Variants in NLGN1 observed in about 807,000 individuals in gnomAD.
The protein encoded by NLGN1 is neuroligin-1.
Under a neutral mutation model 65.5 loss-of-function variants are expected in NLGN1, and 12 were observed. That is an observed-to-expected ratio of 0.18 (90% CI 0.12 to 0.30). NLGN1 has a LOEUF of 0.30. Among genes scored for constraint, NLGN1 ranks in the 10% least tolerant of loss-of-function variants. The pLI is 1.00. For synonymous variants in NLGN1, 350 were observed against 359.5 expected (o/e 0.97, Z 0.30); for missense variants, 750 against 1,007.1 (o/e 0.74, Z 3.46).
chr3:174,152,572 CCAA>C (rs1724580622), intron 4 of NLGN1, among the ~76,000 whole-genome samples: 1 of 151,806 alleles, frequency 6.6e-6, no homozygotes, highest in South Asian at 2.1e-4. Flanking sequence ...GTGCAGCACA[CCAA>C]CATGGCACAT....
At chr3:174,068,899 G>A (rs1238005160) in intron 4 of NLGN1, among the ~76,000 whole-genome samples, 2 of 152,170 alleles carry the variant, frequency 1.3e-5, no homozygotes, top group African/African-American at 2.4e-5. Flanking sequence ...TAATGTGTGT[G>A]CCGATGCTGT....
chr3:174,213,866 TCTTC>T (rs1285032816), intron 4 of NLGN1, among the ~76,000 whole-genome samples: 1 of 152,222 alleles, frequency 6.6e-6, no homozygotes, highest in Non-Finnish European at 1.5e-5. Context: ...ATAGCATTTG[TCTTC>T]CTTGGATTTA....
chr3:173,676,513 T>C (rs963016764), intron 3 of NLGN1, among the ~76,000 whole-genome samples: 1 of 152,202 alleles, frequency 6.6e-6, no homozygotes, highest in African/African-American at 2.4e-5. Context: ...AGTTTTTGTT[T>C]GTTTTTTTCT....
intron 4 of NLGN1, among the ~76,000 whole-genome samples, chr3:173,880,101 A>G (rs971239568): frequency 6.6e-6 from 1 of 152,206 alleles, no homozygotes; most frequent in Non-Finnish European, 1.5e-5. Flanking sequence ...CTTCTTTGCA[A>G]AAGTAGATCA....
At chr3:174,206,687 A>G (rs1735490561) in intron 4 of NLGN1, among the ~76,000 whole-genome samples, 3 of 152,222 alleles carry the variant, frequency 2.0e-5, no homozygotes, top group Admixed American at 6.5e-5. Flanking sequence ...TTCTTTGATG[A>G]GAACAGTCTG....
chr3:173,472,119 G>A (rs1420358293), intron 2 of NLGN1, among the ~76,000 whole-genome samples: 1 of 152,128 alleles, frequency 6.6e-6, no homozygotes, highest in Admixed American at 6.6e-5. Flanking sequence ...GTCATTATAT[G>A]TAAAGTAATG....
chr3:173,997,195 T>G (rs1722439935), intron 4 of NLGN1, among the ~76,000 whole-genome samples: 1 of 152,136 alleles, frequency 6.6e-6, no homozygotes, highest in East Asian at 1.9e-4. Context: ...TAATAATTAT[T>G]AATTATTTTT....
chr3:174,287,032 G>A (rs1179319704), downstream of NLGN1, among the ~76,000 whole-genome samples: 2 of 151,298 alleles, frequency 1.3e-5, no homozygotes, highest in East Asian at 3.9e-4. Context: ...AAAAAGAAGG[G>A]CAAAGGAATT....
At chr3:173,913,227 C>T (rs985282833) in intron 4 of NLGN1, among the ~76,000 whole-genome samples, 1 of 151,938 alleles carries the variant, frequency 6.6e-6, no homozygotes, top group Non-Finnish European at 1.5e-5. Context: ...AATTACACAC[C>T]AAAGAAAGAG....
chr3:174,164,103 T>C (rs1180660280), intron 4 of NLGN1, among the ~76,000 whole-genome samples: 1 of 152,040 alleles, frequency 6.6e-6, no homozygotes, highest in Non-Finnish European at 1.5e-5. Flanking sequence ...CTGTTGTTTT[T>C]TCTTTTTGAC....
intron 4 of NLGN1, among the ~76,000 whole-genome samples, chr3:174,110,828 A>G (rs2152616735): frequency 6.6e-6 from 1 of 152,082 alleles, no homozygotes; most frequent in East Asian, 1.9e-4. Flanking sequence ...TAATCCAAAG[A>G]AACCCGAGGT....
At chr3:173,728,270 A>G (rs1210949061) in intron 3 of NLGN1, among the ~76,000 whole-genome samples, 1 of 152,150 alleles carries the variant, frequency 6.6e-6, no homozygotes, top group African/African-American at 2.4e-5. Flanking sequence ...CAAGACTATG[A>G]AAGTCCTAAG....
intron 4 of NLGN1, among the ~76,000 whole-genome samples, chr3:174,249,148 C>T (rs1744325821): frequency 6.6e-6 from 1 of 152,218 alleles, no homozygotes; most frequent in South Asian, 2.1e-4. Flanking sequence ...ATATTAAAAA[C>T]ATACCTTTTA....
At chr3:173,927,762 C>CACAT (rs3034623) in intron 4 of NLGN1, among the ~76,000 whole-genome samples, 44,424 of 151,552 alleles carry the variant, frequency 0.29, 6,845 homozygotes, top group African/African-American at 0.36. Context: ...TACAGAAACA[C>CACAT]ACATACATAC....
chr3:173,585,840 A>T (rs77752380), intron 2 of NLGN1, among the ~76,000 whole-genome samples: 2,194 of 152,064 alleles, frequency 0.014, 59 homozygotes, highest in African/African-American at 0.05. Context: ...GAATTCAGGA[A>T]TTTTTTTCTT....
intron 4 of NLGN1, among the ~76,000 whole-genome samples, chr3:174,103,594 A>C (rs1008124886): frequency 6.6e-6 from 1 of 152,134 alleles, no homozygotes; most frequent in African/African-American, 2.4e-5. Context: ...ATAGTAAAGT[A>C]ACATAACTCA....
chr3:173,605,416 G>A (rs1487861893), intron 3 of NLGN1, 118 bp from the exon 3 acceptor site: 7 of 458,244 alleles, frequency 1.5e-5, no homozygotes, highest in Non-Finnish European at 3.8e-6. Flanking sequence ...TCAACGAATT[G>A]GGGATCTTTC....
chr3:174,216,672 T>G (rs1472474908), intron 4 of NLGN1, among the ~76,000 whole-genome samples: 1 of 152,100 alleles, frequency 6.6e-6, no homozygotes, highest in African/African-American at 2.4e-5. Flanking sequence ...TGTTCCTTCC[T>G]GTCTTTGCAT....
chr3:173,949,859 A>AT (rs1314487352), intron 4 of NLGN1, among the ~76,000 whole-genome samples: 2 of 152,144 alleles, frequency 1.3e-5, no homozygotes, highest in Non-Finnish European at 2.9e-5. Context: ...GGCTTCTAAT[A>AT]AATTTTGTCT....
Sources: gnomAD v4.1 joint callset for allele counts (sites outside exome capture counted in the v4.1 genomes callset) on GRCh38, gnomAD v4.1.1 for gene constraint, MANE v1.5 for transcripts, NCBI Gene and HGNC (gene_info 2026-07-23, HGNC 2026-07-21) for gene names.